GPR137C: variants seen among roughly 807,000 people sequenced by gnomAD.
GPR137C encodes G protein-coupled receptor 137C, also known as integral membrane protein GPR137C.
In GPR137C, 27 loss-of-function variants were observed where a neutral mutation model predicts 43.4. The observed-to-expected ratio is 0.62, with a 90% CI of 0.46 to 0.86. GPR137C has a LOEUF of 0.86. Among genes scored for constraint, GPR137C ranks in the 40% least tolerant of loss-of-function variants. The pLI, the probability that GPR137C is intolerant of heterozygous loss-of-function variation, is 0.00. For synonymous variants in GPR137C, 285 were observed against 226.9 expected, an observed-to-expected ratio of 1.26 and a Z score of -2.30; for missense variants, 522 against 534.6, an observed-to-expected ratio of 0.98 and a Z score of 0.23.
intron 1 of GPR137C, among the ~76,000 whole-genome samples, chr14:52,594,380 G>A (rs2038823860): frequency 6.6e-6 from 1 of 152,192 alleles, no homozygotes; most frequent in Admixed American, 6.5e-5. Flanking sequence ...GGATATCCTT[G>A]TTAACCTTCT....
intron 1 of GPR137C, 129 bp downstream of exon 1, chr14:52,553,720 C>CT (rs2038139321): frequency 1.3e-6 from 1 of 764,376 alleles, no homozygotes; most frequent in African/African-American, 1.8e-5. Context: ...CCTGGGGAAA[C>CT]TGAGGCACAC....
chr14:52,569,408 A>C (rs1594783070), intron 1 of GPR137C, among the ~76,000 whole-genome samples: 1 of 151,930 alleles, frequency 6.6e-6, no homozygotes, highest in Non-Finnish European at 1.5e-5. Flanking sequence ...ACAACTCCTC[A>C]CCAGCAAGGG....
At chr14:52,612,344 C>A in intron 3 of GPR137C, 1 of 904,714 alleles carries the variant, frequency 1.1e-6, no homozygotes, top group African/African-American at 1.8e-5. Context: ...CATAACATTT[C>A]ATCATATACC....
chr14:52,623,837 T>G (rs955240038), intron 3 of GPR137C, among the ~76,000 whole-genome samples: 1 of 152,078 alleles, frequency 6.6e-6, no homozygotes, highest in Non-Finnish European at 1.5e-5. Context: ...TGCTAAAATA[T>G]ATAACACAAA....
chr14:52,566,559 G>A (rs1434005446), intron 1 of GPR137C, among the ~76,000 whole-genome samples: 2 of 152,162 alleles, frequency 1.3e-5, no homozygotes, highest in Non-Finnish European at 2.9e-5. Flanking sequence ...AATCTATTCT[G>A]AAAAGAATGG....
At chr14:52,603,534 GGTT>G (rs2038950293) in intron 3 of GPR137C, among the ~76,000 whole-genome samples, 1 of 151,896 alleles carries the variant, frequency 6.6e-6, no homozygotes, top group Non-Finnish European at 1.5e-5. Context: ...TGCTTTTTGG[GGTT>G]GTTTGTTTGT....
intron 3 of GPR137C, among the ~76,000 whole-genome samples, chr14:52,622,284 C>T (rs533197084): frequency 6.7e-4 from 102 of 151,998 alleles, no homozygotes; most frequent in Non-Finnish European, 4.3e-4. Flanking sequence ...AACTTTTTGT[C>T]CTCTCCATTG....
intron 1 of GPR137C, among the ~76,000 whole-genome samples, chr14:52,595,292 T>C (rs2038839095): frequency 6.6e-6 from 1 of 152,158 alleles, no homozygotes; most frequent in African/African-American, 2.4e-5. Context: ...GACAATTATG[T>C]GTCTTGGGGT....
rs1056444598 is a variant in GPR137C, at chr14:52,574,459, A to G, written c.444+20868A>G. Among the ~76,000 whole-genome samples, 15 of 152,188 alleles carry G rather than the reference A, an allele frequency of 9.9e-5. No homozygotes were observed. In the East Asian group the frequency reaches 2.7e-3, roughly 27 times the overall value. ...TGGAAACCATCATTCTCAGCAGACT[A>G]ACACAGGAATGAAAACCAAACACTG... On this transcript the variant is annotated intron_variant, in intron 1 of 6. Coordinates refer to ENST00000321662, the MANE Select transcript of GPR137C (RefSeq NM_001099652.2).
At chr14:52,584,840 A>G (rs566682781) in intron 1 of GPR137C, among the ~76,000 whole-genome samples, 221 of 152,180 alleles carry the variant, frequency 1.5e-3, no homozygotes, top group Non-Finnish European at 2.6e-3. Context: ...GCCCCAAGCA[A>G]TCCTCTTACC....
intron 3 of GPR137C, among the ~76,000 whole-genome samples, chr14:52,604,657 A>G (rs898847037): frequency 6.6e-6 from 1 of 152,130 alleles, no homozygotes. Flanking sequence ...CGTGTTGGCC[A>G]GGCTGCTCTT....
At chr14:52,610,572 T>C (rs1345554471) in intron 3 of GPR137C, among the ~76,000 whole-genome samples, 4 of 152,226 alleles carry the variant, frequency 2.6e-5, no homozygotes, top group Non-Finnish European at 5.9e-5. Context: ...ATTATAGGTA[T>C]GTATGGATAA....
intron 3 of GPR137C, among the ~76,000 whole-genome samples, chr14:52,607,887 A>AT (rs2038999120): frequency 6.6e-6 from 1 of 151,922 alleles, no homozygotes; most frequent in Non-Finnish European, 1.5e-5. Flanking sequence ...AAAAAAAAAA[A>AT]GAAAAAGACA....
intron 3 of GPR137C, chr14:52,613,634 A>G (rs557778076): frequency 4.6e-6 from 1 of 215,970 alleles, no homozygotes; most frequent in Non-Finnish European, 9.4e-6. Context: ...GGCATATTTT[A>G]TTTAACATGA....
At chr14:52,575,049 A>G (rs1014964076) in intron 1 of GPR137C, among the ~76,000 whole-genome samples, 4 of 152,228 alleles carry the variant, frequency 2.6e-5, no homozygotes, top group African/African-American at 9.7e-5. Context: ...TGGTTCAGGA[A>G]TAAATTCAAT....
At chr14:52,577,369 T>C (rs1403448535) in intron 1 of GPR137C, among the ~76,000 whole-genome samples, 1 of 151,902 alleles carries the variant, frequency 6.6e-6, no homozygotes, top group African/African-American at 2.4e-5. Flanking sequence ...TAGTGTTAAA[T>C]GTCTACATAA....
intron 3 of GPR137C, among the ~76,000 whole-genome samples, chr14:52,603,863 T>C (rs1377864092): frequency 1.3e-5 from 2 of 152,132 alleles, no homozygotes; most frequent in Non-Finnish European, 2.9e-5. Context: ...ATAACGGTTG[T>C]CCTACTTTAC....
At chr14:52,612,832 C>G (rs1223765915) in intron 3 of GPR137C, 3 of 151,710 alleles carry the variant, frequency 2.0e-5, no homozygotes, top group Admixed American at 2.0e-4. Flanking sequence ...TTCCAAAGTA[C>G]TGGGATTACA....
chr14:52,581,659 G>A (rs940759828), intron 1 of GPR137C, among the ~76,000 whole-genome samples: 4 of 152,140 alleles, frequency 2.6e-5, no homozygotes, highest in Non-Finnish European at 2.9e-5. Context: ...GGAATGGTGC[G>A]CTACTCTCTA....
Sources: allele counts gnomAD v4.1 joint callset (sites outside exome capture counted in the v4.1 genomes callset), GRCh38; gene constraint gnomAD v4.1.1; transcripts MANE v1.5; gene names NCBI Gene and HGNC (gene_info 2026-07-23, HGNC 2026-07-21).